LHFPL4: variants seen among roughly 807,000 people sequenced by gnomAD.
LHFPL4 encodes LHFPL tetraspan subfamily member 4, also known as LHFPL tetraspan subfamily member 4 protein.
LHFPL4 carries 6 observed loss-of-function variants against 20.0 expected under a neutral mutation model. The observed-to-expected ratio is 0.30, with a 90% CI of 0.16 to 0.59. The LOEUF is 0.59. LHFPL4 is among the 20% of genes least tolerant of loss of function. LHFPL4 has a pLI of 0.88. For missense variants in LHFPL4, 215 were observed against 331.2 expected (o/e 0.65, Z 2.72); for synonymous variants, 129 against 143.8 (o/e 0.90, Z 0.74).
At chr3:9,529,879 C>T (rs531275565) in intron 2 of LHFPL4, among the ~76,000 whole-genome samples, 1 of 151,666 alleles carries the variant, frequency 6.6e-6, no homozygotes, top group Admixed American at 6.6e-5. Context: ...GATCCACCCA[C>T]CTCAGCCTCC....
In LHFPL4 at chr3:9,506,609, C is replaced by T. The variant is rs1482019171; in HGVS notation, c.407-406G>A. On this transcript the variant is annotated intron_variant, in intron 2 of 3. Coordinates refer to ENST00000287585, the MANE Select transcript of LHFPL4 (RefSeq NM_198560.3). This position sits in a 1 kb window ranked among gnomAD's most constrained non-coding sequence, Gnocchi z 4.5. ...TCGTTGTTGTTGTTTGAGACGGAGT[C>T]TCGCTCTGTTGCCCAGGGTGGAGTG... is the stretch of plus-strand genomic sequence containing the variant. Among the ~76,000 whole-genome samples, 2 of 152,184 alleles carry T rather than the reference C, an allele frequency of 1.3e-5. No homozygotes were observed. Among genetic ancestry groups the T allele is most frequent in the African/African-American group, 4.8e-5 (2 of 41,444 alleles).
intron 3 of LHFPL4, among the ~76,000 whole-genome samples, chr3:9,504,381 G>GAAAA (rs59021970): frequency 7.2e-6 from 1 of 139,066 alleles, no homozygotes. Flanking sequence ...CTGTCTCAAG[G>GAAAA]AAAAAAAAAA....
chr3:9,523,815 C>T (rs991450078), intron 2 of LHFPL4, among the ~76,000 whole-genome samples: 1 of 152,122 alleles, frequency 6.6e-6, no homozygotes, highest in Non-Finnish European at 1.5e-5. Context: ...GAGCTTCTAA[C>T]CTATACTGTT....
In LHFPL4 at chr3:9,552,267, C is replaced by G. The variant is rs750283220; in HGVS notation, c.406+7G>C. The G allele has an allele frequency of 2.8e-5, 44 of 1,586,014 alleles. No individual in the cohort carries two copies. The highest frequency in any genetic ancestry group is 3.4e-5 in the Non-Finnish European group (40 of 1,162,114). On this transcript the variant is annotated splice_region_variant and intron_variant, in intron 2 of 3. Transcript: ENST00000287585. ...GTTCTGGGAGTTCCGTCCACCCCCT[C>G]CCCTACCTGCCAAGAGCTGCATCCA...
At chr3:9,518,925 G>GTTTATTTATTTA (rs111239616) in intron 2 of LHFPL4, among the ~76,000 whole-genome samples, 20,402 of 144,974 alleles carry the variant, frequency 0.14, 1,718 homozygotes, top group Non-Finnish European at 0.18. Context: ...GCTAATTTTT[G>GTTTATTTATTTA]TTTATTTATT....
intron 2 of LHFPL4, among the ~76,000 whole-genome samples, chr3:9,523,369 A>C (rs866080147): frequency 7.9e-5 from 12 of 151,392 alleles, no homozygotes; most frequent in African/African-American, 2.9e-4. Flanking sequence ...AGACAGAGTG[A>C]GACTTCGTCT....
At chr3:9,528,754 T>A (rs1036947092) in intron 2 of LHFPL4, among the ~76,000 whole-genome samples, 3 of 151,872 alleles carry the variant, frequency 2.0e-5, no homozygotes, top group Non-Finnish European at 4.4e-5. Context: ...TAGCTGGGAT[T>A]ACAGGCGTGT....
intron 2 of LHFPL4, among the ~76,000 whole-genome samples, chr3:9,524,659 T>C (rs2046361962): frequency 6.6e-6 from 1 of 152,214 alleles, no homozygotes; most frequent in Admixed American, 6.5e-5. Flanking sequence ...TGCATGCTAA[T>C]TTATTTGTCA....
intron 2 of LHFPL4, among the ~76,000 whole-genome samples, chr3:9,542,667 G>T (rs1264068794): frequency 6.6e-6 from 1 of 151,572 alleles, no homozygotes; most frequent in Non-Finnish European, 1.5e-5. Flanking sequence ...AAATTAGCCG[G>T]GCATGGTGAC....
At chr3:9,512,353 G>A (rs1049578890) in intron 2 of LHFPL4, among the ~76,000 whole-genome samples, 1 of 152,240 alleles carries the variant, frequency 6.6e-6, no homozygotes, top group Non-Finnish European at 1.5e-5. Context: ...AATGGGAGCT[G>A]AGAAGTGGCG....
At chr3:9,516,245 C>T (rs1009139649) in intron 2 of LHFPL4, among the ~76,000 whole-genome samples, 3 of 152,026 alleles carry the variant, frequency 2.0e-5, no homozygotes, top group Non-Finnish European at 2.9e-5. Flanking sequence ...GTCTGTGAAA[C>T]ATTTTGAAGA....
intron 2 of LHFPL4, among the ~76,000 whole-genome samples, chr3:9,531,530 A>C (rs914967197): frequency 1.3e-5 from 2 of 152,206 alleles, no homozygotes; most frequent in African/African-American, 2.4e-5. Context: ...TCAGCTGGGC[A>C]TGGTGGATCA....
At position 9,502,198 on chromosome 3, in the gene LHFPL4, T is replaced by G. The variant is rs745416719; in HGVS notation, c.*13A>C. 6.2e-7 allele frequency: 1 copy of G among 1,602,394 alleles called. No homozygotes were observed. Among genetic ancestry groups the G allele is most frequent in the East Asian group, 2.2e-5 (1 of 44,822 alleles). Reference sequence around the variant, plus strand: ...TGAGGTCAGGCCAATTACTGGGCTGTGATCCTGGCCTTTCAGGGTCCCTGT... The same window carrying G: ...TGAGGTCAGGCCAATTACTGGGCTGGGATCCTGGCCTTTCAGGGTCCCTGT... On this transcript the variant is annotated 3_prime_UTR_variant, in exon 4 of 4. Transcript: ENST00000287585.
chr3:9,529,415 GAAC>G (rs1002700202), intron 2 of LHFPL4, among the ~76,000 whole-genome samples: 3 of 152,128 alleles, frequency 2.0e-5, no homozygotes, highest in Non-Finnish European at 4.4e-5. Flanking sequence ...TCCAACAGAG[GAAC>G]AACTTATCTA....
intron 1 of LHFPL4, among the ~76,000 whole-genome samples, chr3:9,553,331 G>T (rs2046569810): frequency 6.6e-6 from 1 of 150,638 alleles, no homozygotes; most frequent in Non-Finnish European, 1.5e-5. Context: ...GGTCTAAGAG[G>T]GCAAAGTGGC....
At chr3:9,511,037 C>A (rs941053257) in intron 2 of LHFPL4, among the ~76,000 whole-genome samples, 1 of 151,766 alleles carries the variant, frequency 6.6e-6, no homozygotes, top group African/African-American at 2.4e-5. Flanking sequence ...CTTTCATTAT[C>A]TCATTTAATC....
intron 3 of LHFPL4, 44 bp from the exon 4 acceptor site, chr3:9,502,355 A>C (rs756465957): frequency 7.2e-7 from 1 of 1,385,476 alleles, no homozygotes; most frequent in Non-Finnish European, 1.0e-6. Flanking sequence ...AATTAGAGAA[A>C]GTCAGAGGCT....
chr3:9,502,621 T>G (rs1411424503), intron 3 of LHFPL4, among the ~76,000 whole-genome samples: 1 of 151,592 alleles, frequency 6.6e-6, no homozygotes, highest in Non-Finnish European at 1.5e-5. Flanking sequence ...GAGAATCGCT[T>G]GAACCCAGGA....
At chr3:9,514,060 G>A (rs375796746) in intron 2 of LHFPL4, among the ~76,000 whole-genome samples, 51 of 152,232 alleles carry the variant, frequency 3.4e-4, no homozygotes, top group East Asian at 1.7e-3. Context: ...AACTTACGGT[G>A]GTATCTATGC....
Sources: allele counts gnomAD v4.1 joint callset (sites outside exome capture counted in the v4.1 genomes callset), GRCh38; gene constraint gnomAD v4.1.1; non-coding constraint Gnocchi (gnomAD v3.1); transcripts MANE v1.5; gene names NCBI Gene and HGNC (gene_info 2026-07-23, HGNC 2026-07-21).